The following DCTN4 variants were observed in gnomAD, a reference collection of about 807,000 sequenced individuals.
DCTN4 encodes the protein dynactin 4 (p62).
A neutral mutation model predicts 62.7 loss-of-function variants in DCTN4; 23 were observed. The ratio of observed to expected loss-of-function variants is 0.37; its 90% confidence interval spans 0.26 to 0.52. DCTN4 has a LOEUF of 0.52. Among genes scored for constraint, DCTN4 ranks in the 20% least tolerant of loss-of-function variants. The probability of loss-of-function intolerance (pLI) is 0.92; values close to 1 mark genes in which losing one functional copy is unlikely to be tolerated. For missense variants in DCTN4, 514 were observed against 580.4 expected (o/e 0.89, Z 1.18); for synonymous variants, 199 against 202.1 (o/e 0.98, Z 0.13).
At chr5:150,748,342 C>A (rs1319071677) in intron 3 of DCTN4, among the ~76,000 whole-genome samples, 1 of 151,900 alleles carries the variant, frequency 6.6e-6, no homozygotes, top group Non-Finnish European at 1.5e-5. Flanking sequence ...GTTGGTGGGA[C>A]TGTAAACTAG....
At chr5:150,743,416 T>C (rs1348927598) in intron 3 of DCTN4, among the ~76,000 whole-genome samples, 3 of 152,200 alleles carry the variant, frequency 2.0e-5, no homozygotes, top group Non-Finnish European at 4.4e-5. Flanking sequence ...CAGACTTAAA[T>C]GTCCCTGTCT....
chr5:150,748,544 C>A (rs1295906651), intron 3 of DCTN4, among the ~76,000 whole-genome samples: 1 of 149,454 alleles, frequency 6.7e-6, no homozygotes, highest in East Asian at 2.0e-4. Context: ...ACCCAAATGT[C>A]CAACAATGAT....
rs762124472 is a variant in DCTN4 at position 150,729,042 on chromosome 5, C to CCTTTTTTTTTTTTTTTTTTTTTTTTT, written c.834+1588_834+1589insAAAAAAAAAAAAAAAAAAAAAAAAAG. 9.6e-5 allele frequency among the ~76,000 whole-genome samples: 5 copies of CCTTTTTTTTTTTTTTTTTTTTTTTTT among 52,140 alleles called. 2 individuals are homozygous for CCTTTTTTTTTTTTTTTTTTTTTTTTT. Among genetic ancestry groups the CCTTTTTTTTTTTTTTTTTTTTTTTTT allele is most frequent in the African/African-American group, 3.8e-4 (5 of 13,124 alleles). The allele number at this position is 52,140 out of a possible 152,430, so 34.2% of individuals were successfully genotyped here. A position where few individuals can be genotyped will look rare whatever the true frequency, so the allele number is the denominator to read the frequency against. On this transcript the variant is annotated intron_variant, in intron 8 of 12. Transcript: ENST00000447998. ...ACAAGTGTGTGAACCACCACACTGG[C>CCTTTTTTTTTTTTTTTTTTTTTTTTT]TTTTTTTTTTTTTTTTTTTTTTTTT...
chr5:150,729,925 G>A (rs571593978), intron 8 of DCTN4, among the ~76,000 whole-genome samples: 32 of 151,512 alleles, frequency 2.1e-4, no homozygotes, highest in African/African-American at 7.5e-4. Flanking sequence ...GTTTGAATCC[G>A]AATCTACGTA....
At chr5:150,720,516 T>C (rs1178302373) in intron 9 of DCTN4, among the ~76,000 whole-genome samples, 2 of 151,378 alleles carry the variant, frequency 1.3e-5, no homozygotes, top group East Asian at 3.9e-4. Context: ...GGTCTTGCTG[T>C]CACCCAGGCT....
chr5:150,741,968 C>T lies in DCTN4; in HGVS notation c.429+146G>A. ...AAAAAGTGACAGTGTATTTCAATGT[C>T]TTACAATGAGAAGCACTGTCTATGT... On this transcript the variant is annotated intron_variant, in intron 4 of 12. Transcript: ENST00000447998. 6.7e-6 allele frequency: 5 copies of T among 744,340 alleles called. No homozygotes were observed. In the South Asian group the frequency reaches 7.8e-5, roughly 12 times the overall value. 46.1% of individuals were successfully genotyped at this position (744,340 alleles called of 1,614,324 possible).
chr5:150,741,768 C>T (rs1760778826), intron 4 of DCTN4, among the ~76,000 whole-genome samples: 1 of 152,230 alleles, frequency 6.6e-6, no homozygotes, highest in Non-Finnish European at 1.5e-5. Context: ...AGGCATGAGC[C>T]ACCACACCTG....
intron 3 of DCTN4, 122 bp from the exon 4 acceptor site, chr5:150,742,279 C>A: frequency 1.1e-6 from 1 of 905,812 alleles, no homozygotes; most frequent in South Asian, 1.4e-5. Flanking sequence ...CCATTCTGGT[C>A]TATATAACTA....
At chr5:150,715,266 G>A (rs1759711571) in intron 12 of DCTN4, among the ~76,000 whole-genome samples, 1 of 151,936 alleles carries the variant, frequency 6.6e-6, no homozygotes, top group African/African-American at 2.4e-5. Context: ...TTATTAACAT[G>A]GGAAAATATA....
At chr5:150,728,879 C>CT (rs200501152) in intron 8 of DCTN4, among the ~76,000 whole-genome samples, 3,293 of 141,094 alleles carry the variant, frequency 0.023, 93 homozygotes, top group East Asian at 0.14. Flanking sequence ...CACACACAAT[C>CT]TTTTTTTTTT....
chr5:150,724,059 C>T (rs1760051082), intron 8 of DCTN4, among the ~76,000 whole-genome samples: 1 of 152,154 alleles, frequency 6.6e-6, no homozygotes, highest in South Asian at 2.1e-4. Context: ...ATCTGTAAGA[C>T]AATTTCCTAA....
In DCTN4 at chr5:150,756,697, C is replaced by T. The variant is rs111767875; in HGVS notation, c.136-210G>A. Among the ~76,000 whole-genome samples, 609 of 147,074 alleles carry T rather than the reference C, an allele frequency of 4.1e-3. 4 individuals are homozygous for T. Among genetic ancestry groups the T allele is most frequent in the South Asian group, 7.8e-3 (36 of 4,622 alleles). ...AAATCCTTCTATTTTTCTGATCTTT[C>T]CTATTCCATCATCAGGGTTTTATGT... On this transcript the variant is annotated intron_variant, in intron 1 of 12. Coordinates refer to ENST00000447998, the MANE Select transcript of DCTN4 (RefSeq NM_016221.4).
intron 2 of DCTN4, chr5:150,755,687 C>G: frequency 2.4e-6 from 1 of 413,794 alleles, no homozygotes; most frequent in South Asian, 1.8e-5. Flanking sequence ...ATTCTCCTAT[C>G]ACACCACACC....
intron 3 of DCTN4, among the ~76,000 whole-genome samples, chr5:150,752,599 TG>T (rs1371000205): frequency 6.6e-6 from 1 of 152,182 alleles, no homozygotes; most frequent in Non-Finnish European, 1.5e-5. Flanking sequence ...AGCCAACACT[TG>T]ATACAACCAG....
At chr5:150,750,193 C>T (rs1181399961) in intron 3 of DCTN4, among the ~76,000 whole-genome samples, 1 of 152,068 alleles carries the variant, frequency 6.6e-6, no homozygotes, top group Non-Finnish European at 1.5e-5. Flanking sequence ...CAGAATTCTA[C>T]ACTTAAAATT....
intron 8 of DCTN4, among the ~76,000 whole-genome samples, chr5:150,723,451 C>T (rs962956712): frequency 4.6e-5 from 7 of 152,164 alleles, no homozygotes; most frequent in Non-Finnish European, 1.5e-5. Flanking sequence ...AATTCCAGAT[C>T]CTATGCTTTA....
intron 8 of DCTN4, among the ~76,000 whole-genome samples, chr5:150,725,157 C>CAAA (rs966438340): frequency 3.0e-4 from 16 of 53,310 alleles, no homozygotes; most frequent in African/African-American, 6.2e-4. Context: ...GACTCCGTCT[C>CAAA]AAAAAAAAAA....
chr5:150,727,903 G>T (rs1760215367), intron 8 of DCTN4, among the ~76,000 whole-genome samples: 1 of 150,316 alleles, frequency 6.7e-6, no homozygotes, highest in Admixed American at 6.6e-5. Flanking sequence ...ATTGATATTT[G>T]ATAAAAAATT....
In DCTN4 at chr5:150,730,150, T is replaced by C. The variant is rs73796432; in HGVS notation, c.834+481A>G. Among the ~76,000 whole-genome samples, 176 of 152,358 alleles carry C rather than the reference T, an allele frequency of 1.2e-3. 1 individual carries two copies. Among genetic ancestry groups the C allele is most frequent in the African/African-American group, 3.5e-3 (147 of 41,590 alleles). On this transcript the variant is annotated intron_variant, in intron 8 of 12. Transcript: ENST00000447998. ...CAGACACAGAATACTTCCATCACCATAGAAAGTTCTGTTGGATAGTACTCC... is the reference window on the plus strand; with the variant it reads ...CAGACACAGAATACTTCCATCACCACAGAAAGTTCTGTTGGATAGTACTCC...
Sources: allele counts gnomAD v4.1 joint callset (sites outside exome capture counted in the v4.1 genomes callset), GRCh38; gene constraint gnomAD v4.1.1; transcripts MANE v1.5; gene names NCBI Gene and HGNC (gene_info 2026-07-23, HGNC 2026-07-21).